SDC2: variants seen among roughly 807,000 people sequenced by gnomAD.
SDC2 encodes the protein syndecan 2, also known as syndecan-2.
Under a neutral mutation model 22.2 loss-of-function variants are expected in SDC2, and 13 were observed. The ratio of observed to expected loss-of-function variants is 0.59; its 90% CI spans 0.38 to 0.93. The LOEUF (loss-of-function observed/expected upper bound fraction) is 0.93, where lower values mean the gene tolerates loss of function less well. Ranked by LOEUF, SDC2 falls within the 40% of genes least tolerant of loss-of-function variation. The pLI is 0.00. For missense variants in SDC2, 235 were observed against 246.8 expected (o/e 0.95, Z 0.32); for synonymous variants, 94 against 92.8 (o/e 1.01, Z -0.07).
At chr8:96,601,134 T>C (rs1276899141) in intron 2 of SDC2, among the ~76,000 whole-genome samples, 1 of 152,092 alleles carries the variant, frequency 6.6e-6, no homozygotes, top group African/African-American at 2.4e-5. Flanking sequence ...AGATGGCACT[T>C]GACAGTGTGC....
chr8:96,500,992 C>G (rs1478738993), intron 1 of SDC2, among the ~76,000 whole-genome samples: 1 of 152,058 alleles, frequency 6.6e-6, no homozygotes, highest in Non-Finnish European at 1.5e-5. Flanking sequence ...GGCGTGATAG[C>G]CAATGCATAG....
intron 1 of SDC2, among the ~76,000 whole-genome samples, chr8:96,554,364 A>G (rs769207429): frequency 6.6e-6 from 1 of 152,200 alleles, no homozygotes; most frequent in Non-Finnish European, 1.5e-5. Context: ...AGCAAAGCTC[A>G]AGTATTAGGC....
chr8:96,513,162 A>G (rs1353974047), intron 1 of SDC2, among the ~76,000 whole-genome samples: 1 of 152,212 alleles, frequency 6.6e-6, no homozygotes, highest in East Asian at 1.9e-4. Context: ...GAAAAATAAT[A>G]TATCATATTC....
At chr8:96,550,176 G>GC (rs1304986022) in intron 1 of SDC2, among the ~76,000 whole-genome samples, 1 of 152,142 alleles carries the variant, frequency 6.6e-6, no homozygotes, top group Non-Finnish European at 1.5e-5. Context: ...GGTTTTCCTA[G>GC]CCTCTCACTA....
At chr8:96,552,289 C>G (rs1333370042) in intron 1 of SDC2, among the ~76,000 whole-genome samples, 4 of 152,044 alleles carry the variant, frequency 2.6e-5, no homozygotes, top group Non-Finnish European at 5.9e-5. Flanking sequence ...ATCCAGAGGC[C>G]CTGAGGAACT....
At chr8:96,535,566 C>G (rs1475181484) in intron 1 of SDC2, among the ~76,000 whole-genome samples, 3 of 152,160 alleles carry the variant, frequency 2.0e-5, no homozygotes, top group Non-Finnish European at 4.4e-5. Flanking sequence ...AAAATGCCGA[C>G]AGGTTAATAG....
chr8:96,600,635 G>A (rs1339699494), intron 2 of SDC2, among the ~76,000 whole-genome samples: 1 of 152,164 alleles, frequency 6.6e-6, no homozygotes, highest in Non-Finnish European at 1.5e-5. Context: ...TAAGAGTGGA[G>A]GGATAATAAG....
chr8:96,532,061 GT>G (rs1244598588), intron 1 of SDC2, among the ~76,000 whole-genome samples: 1 of 152,104 alleles, frequency 6.6e-6, no homozygotes. Flanking sequence ...TTTTGCCTCT[GT>G]TTTTTCATCT....
intron 1 of SDC2, among the ~76,000 whole-genome samples, chr8:96,503,766 T>A (rs1273592362): frequency 6.6e-6 from 1 of 152,202 alleles, no homozygotes; most frequent in African/African-American, 2.4e-5. Flanking sequence ...AGAGCTAGAT[T>A]GTTGTTTAAG....
chr8:96,563,768 A>G (rs1814250238), intron 1 of SDC2, among the ~76,000 whole-genome samples: 1 of 152,238 alleles, frequency 6.6e-6, no homozygotes, highest in South Asian at 2.1e-4. Context: ...TTTTACATCC[A>G]ACAGTGCTAA....
chr8:96,584,749 C>CAT (rs777097788), intron 1 of SDC2, among the ~76,000 whole-genome samples: 71 of 152,320 alleles, frequency 4.7e-4, no homozygotes, highest in Non-Finnish European at 8.4e-4. Flanking sequence ...CCTGTAATAA[C>CAT]ATGGCTGCAA....
chr8:96,583,683 A>ATG (rs1426376281), intron 1 of SDC2, among the ~76,000 whole-genome samples: 5 of 123,390 alleles, frequency 4.1e-5, no homozygotes, highest in African/African-American at 1.4e-4. Context: ...TATTTGAAAT[A>ATG]TATGTGTGTG....
Position 96,595,078 on chromosome 8 carries a change from A to C in SDC2, c.172+1487A>C, listed in dbSNP as rs1330430832. On this transcript the variant is annotated intron_variant, in intron 2 of 4. Transcript: ENST00000302190. ...CAAAAAAGGGAAGAGCTTTCCACATACTTAATTAATAGTCAAGTGAGAAAT... is the reference window on the plus strand; with the variant it reads ...CAAAAAAGGGAAGAGCTTTCCACATCCTTAATTAATAGTCAAGTGAGAAAT... Among the ~76,000 whole-genome samples the C allele has an allele frequency of 3.3e-5, 5 of 152,156 alleles. 1 individual carries two copies. The highest frequency in any genetic ancestry group is 7.2e-5 in the African/African-American group (3 of 41,436).
intron 1 of SDC2, among the ~76,000 whole-genome samples, chr8:96,516,355 G>A (rs1813401228): frequency 6.6e-6 from 1 of 152,024 alleles, no homozygotes; most frequent in Admixed American, 6.5e-5. Context: ...CATGCAATAG[G>A]ATAACTGTCA....
In SDC2 at chr8:96,542,711, G is replaced by A. The variant is rs530929499; in HGVS notation, c.60+48380G>A. Among the ~76,000 whole-genome samples the A allele has an allele frequency of 2.0e-5, 3 of 151,712 alleles. No homozygotes were observed. In the South Asian group the frequency reaches 6.2e-4, roughly 32 times the overall value. ...CATGGTTCCCAGGTGGGAATTCAGG[G>A]CGGGGGTAAGTCAGAATATTTATGT... On this transcript the variant is annotated intron_variant, in intron 1 of 4. Coordinates refer to ENST00000302190, the MANE Select transcript of SDC2 (RefSeq NM_002998.4).
At chr8:96,501,660 CTAAA>C (rs1289313650) in intron 1 of SDC2, among the ~76,000 whole-genome samples, 1 of 152,016 alleles carries the variant, frequency 6.6e-6, no homozygotes, top group Non-Finnish European at 1.5e-5. Context: ...ATACAGTAGA[CTAAA>C]TATACAACAT....
chr8:96,581,422 G>C (rs1814587505), intron 1 of SDC2, among the ~76,000 whole-genome samples: 1 of 152,116 alleles, frequency 6.6e-6, no homozygotes, highest in Non-Finnish European at 1.5e-5. Flanking sequence ...TGAGGGTTAG[G>C]AGTTCGAGAC....
At chr8:96,575,936 T>C (rs7010137) in intron 1 of SDC2, among the ~76,000 whole-genome samples, 79,145 of 152,030 alleles carry the variant, frequency 0.52, 23,007 homozygotes, top group Non-Finnish European at 0.67. Flanking sequence ...TCTGCCCTTA[T>C]AAAGATGCCT....
intron 1 of SDC2, among the ~76,000 whole-genome samples, chr8:96,555,225 A>G (rs1467728417): frequency 1.3e-5 from 2 of 152,126 alleles, no homozygotes; most frequent in South Asian, 2.1e-4. Flanking sequence ...AGAGGTACCC[A>G]CATATTTAGG....
Sources: gnomAD v4.1 joint callset for allele counts (sites outside exome capture counted in the v4.1 genomes callset) on GRCh38, gnomAD v4.1.1 for gene constraint, MANE v1.5 for transcripts, NCBI Gene and HGNC (gene_info 2026-07-23, HGNC 2026-07-21) for gene names.